Variants in EIF5 observed in about 807,000 individuals in gnomAD.
The protein encoded by EIF5 is eukaryotic translation initiation factor 5.
Under a neutral mutation model 48.3 loss-of-function variants are expected in EIF5, and 10 were observed. The ratio of observed to expected loss-of-function variants is 0.21; its 90% CI spans 0.13 to 0.35. The LOEUF (loss-of-function observed/expected upper bound fraction) is 0.35. EIF5 is among the 10% of genes least tolerant of loss of function. The pLI is 1.00. For synonymous variants in EIF5, 237 were observed against 173.1 expected (o/e 1.37, Z -2.90); for missense variants, 397 against 533.2 (o/e 0.74, Z 2.51).
intron 6 of EIF5, chr14:103,337,649 C>T: frequency 6.0e-6 from 2 of 332,128 alleles, no homozygotes; most frequent in South Asian, 2.4e-5. Context: ...TTTATCAAAT[C>T]TAAGACATCT....
chr14:103,339,651 A>C lies in EIF5; in HGVS notation c.919A>C (p.Asn307His), dbSNP rs1048175276. The C allele has an allele frequency of 8.1e-6, 13 of 1,614,114 alleles. No homozygotes were observed. The highest frequency in any genetic ancestry group is 1.7e-5 in the Admixed American group (1 of 60,008). Residue 307 changes from asparagine (N) to histidine (H), a missense_variant, in exon 10 of 12, where the codon AAC (asparagine) becomes CAC (histidine). By Grantham distance (68) the Asn-to-His change is moderately conservative. This residue lies in a region of EIF5 where 160 missense variants were observed against 184.8 expected (regional missense o/e 0.87). Coordinates refer to ENST00000216554, the MANE Select transcript of EIF5 (RefSeq NM_001969.5). ...RRHFLRFCHN[N>H]KKAQRYLLHG... ...TGTCTATTTGCAGTTTTGTCACAAC[A>C]ACAAAAAAGCCCAACGGTACCTTCT...
Position 103,336,658 on chromosome 14 carries a change from T to TC in EIF5, c.155-17dup. On this transcript the variant is annotated intron_variant, in intron 4 of 11. Coordinates refer to ENST00000216554, the MANE Select transcript of EIF5 (RefSeq NM_001969.5). ...TCTAGTTAACTGTAACGATCCAAAC[T>TC]CCTTTTTCATTCAAATAGATCCCAC... is the stretch of plus-strand genomic sequence containing the variant. 6.3e-7 allele frequency: 1 copy of TC among 1,592,470 alleles called. No individual in the cohort carries two copies. The highest frequency in any genetic ancestry group is 8.5e-7 in the Non-Finnish European group (1 of 1,171,094).
At position 103,344,349 on chromosome 14, in the gene EIF5, G is replaced by A. The variant is rs1457840894; in HGVS notation, c.*3297G>A. 2.0e-5 allele frequency: 3 copies of A among 152,208 alleles called. No homozygotes were observed. Among genetic ancestry groups the A allele is most frequent in the Non-Finnish European group, 4.4e-5 (3 of 68,036 alleles). 9.4% of individuals were successfully genotyped at this position (152,208 alleles called of 1,614,324 possible). A position where few individuals can be genotyped will look rare whatever the true frequency, so the allele number is the denominator to read the frequency against. ...TGTGTGCTGGGATATGAGAATAGAA[G>A]CTACAGAGTTCTTTTCTTGGGACCT... On this transcript the variant is annotated 3_prime_UTR_variant, in exon 12 of 12. Coordinates refer to ENST00000216554, the MANE Select transcript of EIF5 (RefSeq NM_001969.5).
chr14:103,338,993 C>G (rs936703195), intron 8 of EIF5, 100 bp downstream of exon 8: 46 of 1,503,980 alleles, frequency 3.1e-5, no homozygotes, highest in Non-Finnish European at 4.0e-5. Flanking sequence ...TACTCTAATG[C>G]ACGACTTTTT....
chr14:103,336,395 A>T, intron 4 of EIF5: 1 of 563,390 alleles, frequency 1.8e-6, no homozygotes, highest in South Asian at 2.2e-5. Flanking sequence ...AGCCTAGCCA[A>T]CATAGTGAAA....
rs778801136 is a variant in EIF5 at position 103,336,753 on chromosome 14, T to C, written c.231T>C (p.Asn77=). Residue 77 remains asparagine (N), a synonymous_variant, in exon 5 of 12, where the codon AAT becomes AAC. Coordinates refer to ENST00000216554, the MANE Select transcript of EIF5 (RefSeq NM_001969.5). ...TTAAGAATGACCGTTACATTGTCAATGGATCTCATGAGGCGAATAAGCTGC... is the reference window on the plus strand; with the variant it reads ...TTAAGAATGACCGTTACATTGTCAACGGATCTCATGAGGCGAATAAGCTGC... ...FDVKNDRYIV[N]GSHEANKLQD... 20 of 1,614,088 alleles carry C rather than the reference T, an allele frequency of 1.2e-5. No homozygotes were observed. Among genetic ancestry groups the C allele is most frequent in the Non-Finnish European group, 1.6e-5 (19 of 1,180,050 alleles).
rs2089359492 is a variant in EIF5, at chr14:103,342,065, T to C, written c.*1013T>C. ...CTTTTACATTTGGACACATAGTTTATGCTTTTTAGATTTTGGTTGCTTTCT... is the reference window on the plus strand; with the variant it reads ...CTTTTACATTTGGACACATAGTTTACGCTTTTTAGATTTTGGTTGCTTTCT... On this transcript the variant is annotated 3_prime_UTR_variant, in exon 12 of 12. Coordinates refer to ENST00000216554, the MANE Select transcript of EIF5 (RefSeq NM_001969.5). 1 of 152,676 alleles carries C rather than the reference T, an allele frequency of 6.5e-6. No individual in the cohort carries two copies. Among genetic ancestry groups the C allele is most frequent in the South Asian group, 2.1e-4 (1 of 4,832 alleles). 9.5% of individuals were successfully genotyped at this position (152,676 alleles called of 1,614,324 possible).
chr14:103,338,979 G>A, intron 8 of EIF5, 86 bp downstream of exon 8: 2 of 1,527,332 alleles, frequency 1.3e-6, no homozygotes, highest in Non-Finnish European at 1.8e-6. Context: ...AGTGTAATTA[G>A]GATTACTCTA....
chr14:103,339,924 T>TCTCAG, intron 10 of EIF5, 121 bp downstream of exon 10: 1 of 1,162,914 alleles, frequency 8.6e-7, no homozygotes, highest in South Asian at 1.6e-5. Flanking sequence ...AGTGGTATGA[T>TCTCAG]CTCAGCTCCC....
rs930012767 is a variant in EIF5 at position 103,334,550 on chromosome 14, A to T, written c.-256A>T. The T allele has an allele frequency of 6.6e-6, 1 of 151,752 alleles. No homozygotes were observed. The highest frequency in any genetic ancestry group is 1.5e-5 in the Non-Finnish European group (1 of 67,880). The allele number at this position is 151,752 out of a possible 1,614,324, so 9.4% of individuals were successfully genotyped here. On this transcript the variant is annotated 5_prime_UTR_variant, in exon 2 of 12. Coordinates refer to ENST00000216554, the MANE Select transcript of EIF5 (RefSeq NM_001969.5). ...TTTATATCGCGCCTCACTTCATCCC[A>T]GTCCCGGGCGAGCAGCGTTGGGTTT...
At position 103,341,969 on chromosome 14, in the gene EIF5, T is replaced by C. The variant is rs2089357913; in HGVS notation, c.*917T>C. ...TAGGGTTTAAATTACAATTCCAAAA[T>C]GTTAGACATACTGTATTTTTTCGTT... On this transcript the variant is annotated 3_prime_UTR_variant, in exon 12 of 12. Transcript: ENST00000216554. The C allele has an allele frequency of 6.6e-6, 1 of 152,478 alleles. No individual in the cohort carries two copies. Among genetic ancestry groups the C allele is most frequent in the African/African-American group, 2.4e-5 (1 of 41,440 alleles). The allele number at this position is 152,478 out of a possible 1,614,324, so 9.4% of individuals were successfully genotyped here. A position where few individuals can be genotyped will look rare whatever the true frequency, so the allele number is the denominator to read the frequency against.
rs974319330 is a variant in EIF5 at position 103,339,695 on chromosome 14, G to A, written c.963G>A (p.Val321=). Residue 321 remains valine (V), a synonymous_variant, in exon 10 of 12, where the codon GTG becomes GTA. Coordinates refer to ENST00000216554, the MANE Select transcript of EIF5 (RefSeq NM_001969.5). ...QRYLLHGLEC[V]VAMHQAQLIS... ...ACCTTCTTCATGGTTTGGAGTGTGT[G>A]GTAGCAATGCATCAAGCTCAGCTTA... 6 of 1,614,046 alleles carry A rather than the reference G, an allele frequency of 3.7e-6. No homozygotes were observed. In the African/African-American group the frequency reaches 8.0e-5, roughly 22 times the overall value.
At position 103,336,016 on chromosome 14, in the gene EIF5, A is replaced by G. The variant is rs2089280770; in HGVS notation, c.73-20A>G. 5.0e-6 allele frequency: 8 copies of G among 1,614,140 alleles called. No individual in the cohort carries two copies. Among genetic ancestry groups the G allele is most frequent in the Middle Eastern group, 1.6e-4 (1 of 6,062 alleles). On this transcript the variant is annotated intron_variant, in intron 3 of 11. Coordinates refer to ENST00000216554, the MANE Select transcript of EIF5 (RefSeq NM_001969.5). ...ATTTGTCAGGGGAAACTGCACAACT[A>G]AAATTCTTATTTCCTTTAGGTTGAG...
At chr14:103,338,628 C>G in intron 7 of EIF5, 107 bp from the exon 8 acceptor site, 2 of 1,526,094 alleles carry the variant, frequency 1.3e-6, no homozygotes, top group Non-Finnish European at 1.8e-6. Context: ...TAAGGTGAAC[C>G]CAATTTTGGA....
Position 103,339,630 on chromosome 14 carries a change from T to A in EIF5, c.907-9T>A, listed in dbSNP as rs1412218034. ...AAAAGATTGTTAACACCAAGGTGTC[T>A]ATTTGCAGTTTTGTCACAACAACAA... On this transcript the variant is annotated splice_polypyrimidine_tract_variant and intron_variant, in intron 9 of 11. Transcript: ENST00000216554. 3 of 1,614,160 alleles carry A rather than the reference T, an allele frequency of 1.9e-6. No individual in the cohort carries two copies. In the Admixed American group the frequency reaches 5.0e-5, roughly 27 times the overall value.
At chr14:103,337,955 G>A (rs759352953) in intron 6 of EIF5, 5 of 533,908 alleles carry the variant, frequency 9.4e-6, no homozygotes, top group African/African-American at 3.8e-5. Flanking sequence ...GAGACAAGCC[G>A]TTATATAGAC....
chr14:103,339,899 T>G, intron 10 of EIF5, 96 bp downstream of exon 10: 1 of 1,387,274 alleles, frequency 7.2e-7, no homozygotes, highest in Non-Finnish European at 9.7e-7. Context: ...CATTCTGTTG[T>G]CCAGGCAGGA....
At chr14:103,335,198 T>G (rs1417970096) in intron 2 of EIF5, 1 of 151,954 alleles carries the variant, frequency 6.6e-6, no homozygotes, top group Non-Finnish European at 1.5e-5. Flanking sequence ...AAGCCATGGT[T>G]GCCGAAGCAA....
rs1288820361 is a variant in EIF5, at chr14:103,343,341, G to A, written c.*2289G>A. 1 of 152,148 alleles carries A rather than the reference G, an allele frequency of 6.6e-6. No individual in the cohort carries two copies. Among genetic ancestry groups the A allele is most frequent in the Non-Finnish European group, 1.5e-5 (1 of 68,028 alleles). The allele number at this position is 152,148 out of a possible 1,614,324, so 9.4% of individuals were successfully genotyped here. On this transcript the variant is annotated 3_prime_UTR_variant, in exon 12 of 12. Coordinates refer to ENST00000216554, the MANE Select transcript of EIF5 (RefSeq NM_001969.5). ...AAGTTGTTCATTTCATTGGGTCACTGGCTTTATTTGCTAGTCTTGTCTGTG... is the reference window on the plus strand; with the variant it reads ...AAGTTGTTCATTTCATTGGGTCACTAGCTTTATTTGCTAGTCTTGTCTGTG...
Sources: allele counts gnomAD v4.1 joint callset, GRCh38; gene constraint gnomAD v4.1.1; regional missense constraint gnomAD v4.1.1; transcripts MANE v1.5; gene names NCBI Gene and HGNC (gene_info 2026-07-23, HGNC 2026-07-21).